Variants in PALS1 observed in about 807,000 individuals in gnomAD.
PALS1 encodes protein associated with LIN7 1, MAGUK p55 family member.
PALS1 carries 31 observed loss-of-function variants against 78.9 expected under a neutral mutation model. The observed-to-expected ratio is 0.39, with a 90% CI of 0.30 to 0.53. The LOEUF (loss-of-function observed/expected upper bound fraction) is 0.53, where lower values mean the gene tolerates loss of function less well. PALS1 is among the 20% of genes least tolerant of loss of function. PALS1 has a pLI of 0.67. For missense variants in PALS1, 704 were observed against 826.5 expected (o/e 0.85, Z 1.82); for synonymous variants, 276 against 270.9 (o/e 1.02, Z -0.18).
intron 8 of PALS1, among the ~76,000 whole-genome samples, chr14:67,308,059 C>T (rs934383728): frequency 6.6e-6 from 1 of 152,124 alleles, no homozygotes; most frequent in East Asian, 1.9e-4. Flanking sequence ...AGGGGAACAA[C>T]ACACACTAGG....
chr14:67,242,829 CG>C (rs1330491129), intron 1 of PALS1, among the ~76,000 whole-genome samples: 2 of 152,076 alleles, frequency 1.3e-5, no homozygotes, highest in Non-Finnish European at 2.9e-5. Context: ...TTTGGCAAGA[CG>C]GACTTGAACT....
intron 1 of PALS1, among the ~76,000 whole-genome samples, chr14:67,257,876 C>G (rs116818775): frequency 1.1e-3 from 162 of 152,108 alleles, no homozygotes; most frequent in African/African-American, 3.7e-3. Context: ...ACTATACGTA[C>G]AACACATATG....
chr14:67,254,873 G>T (rs779071112), intron 1 of PALS1, among the ~76,000 whole-genome samples: 1 of 152,122 alleles, frequency 6.6e-6, no homozygotes, highest in Non-Finnish European at 1.5e-5. Flanking sequence ...ATCTCTGGCC[G>T]GGCGCAGTGG....
intron 1 of PALS1, among the ~76,000 whole-genome samples, chr14:67,243,888 A>G (rs188402505): frequency 1.3e-5 from 2 of 152,170 alleles, no homozygotes; most frequent in African/African-American, 2.4e-5. Context: ...TTCATTTTCC[A>G]TGAAAAAGAA....
intron 1 of PALS1, among the ~76,000 whole-genome samples, chr14:67,268,749 G>A (rs2084368816): frequency 6.6e-6 from 1 of 152,138 alleles, no homozygotes; most frequent in African/African-American, 2.4e-5. Context: ...AACCTGTTTT[G>A]TCAGCAGGGC....
Position 67,256,797 on chromosome 14 carries a change from G to GACACACACACACACACAC in PALS1, c.-236-12894_-236-12877dup, listed in dbSNP as rs10654145. On this transcript the variant is annotated intron_variant, in intron 1 of 14. Transcript: ENST00000261681. ...AGGACGAAGTGTTCCAGAAACTATT[G>GACACACACACACACACAC]ACACACACACACACACACACACACA... Among the ~76,000 whole-genome samples, 1,165 of 147,746 alleles carry GACACACACACACACACAC rather than the reference G, an allele frequency of 7.9e-3. 5 individuals are homozygous for GACACACACACACACACAC. Among genetic ancestry groups the GACACACACACACACACAC allele is most frequent in the South Asian group, 0.018 (83 of 4,644 alleles).
intron 8 of PALS1, among the ~76,000 whole-genome samples, chr14:67,306,634 C>T (rs1387416572): frequency 1.3e-5 from 2 of 152,138 alleles, no homozygotes; most frequent in Non-Finnish European, 2.9e-5. Context: ...CTCCCAAGTG[C>T]TGGGATTACA....
chr14:67,323,899 A>G, intron 14 of PALS1, 87 bp downstream of exon 14: 2 of 701,132 alleles, frequency 2.9e-6, no homozygotes, highest in Non-Finnish European at 4.8e-6. Flanking sequence ...TAAAAGCTAC[A>G]TTAGCTTGAG....
At position 67,261,201 on chromosome 14, in the gene PALS1, TGTG is replaced by T. The variant is rs879347243; in HGVS notation, c.-236-8494_-236-8492del. Among the ~76,000 whole-genome samples the T allele has an allele frequency of 4.6e-5, 7 of 152,246 alleles. No homozygotes were observed. In the East Asian group the frequency reaches 5.8e-4, roughly 13 times the overall value. ...ATAAAAACTTGAAAAGGGACACTGTTGTGGTGGTAGGAGTGCTTCGGAAAGTTA... is the reference window on the plus strand; with the variant it reads ...ATAAAAACTTGAAAAGGGACACTGTTGTGGTAGGAGTGCTTCGGAAAGTTA... On this transcript the variant is annotated intron_variant, in intron 1 of 14. Coordinates refer to ENST00000261681, the MANE Select transcript of PALS1 (RefSeq NM_022474.4).
intron 4 of PALS1, among the ~76,000 whole-genome samples, chr14:67,296,460 G>A (rs574992341): frequency 6.6e-6 from 1 of 151,674 alleles, no homozygotes; most frequent in Non-Finnish European, 1.5e-5. Context: ...AATTAGGCGG[G>A]TGTGGTGGTA....
At chr14:67,329,534 G>C (rs1199301729) in intron 14 of PALS1, among the ~76,000 whole-genome samples, 1 of 152,168 alleles carries the variant, frequency 6.6e-6, no homozygotes, top group African/African-American at 2.4e-5. Flanking sequence ...AGTGGTGAGA[G>C]AGGGCATCCC....
At chr14:67,257,724 T>C (rs573340599) in intron 1 of PALS1, among the ~76,000 whole-genome samples, 1 of 152,196 alleles carries the variant, frequency 6.6e-6, no homozygotes, top group African/African-American at 2.4e-5. Flanking sequence ...TGAAGGTAAG[T>C]TTAAGAAGAA....
At chr14:67,284,274 CTG>C (rs1246948040) in intron 3 of PALS1, among the ~76,000 whole-genome samples, 1 of 151,554 alleles carries the variant, frequency 6.6e-6, no homozygotes, top group African/African-American at 2.4e-5. Context: ...GTCTTTTAAA[CTG>C]TAGAATTCAT....
chr14:67,271,972 G>A (rs1216835200), intron 2 of PALS1: 2 of 151,962 alleles, frequency 1.3e-5, no homozygotes, highest in Admixed American at 1.3e-4. Context: ...TCAGGAGGCT[G>A]AGGCAAGAGA....
chr14:67,329,449 C>T (rs2141046310), intron 14 of PALS1, among the ~76,000 whole-genome samples: 1 of 152,308 alleles, frequency 6.6e-6, no homozygotes, highest in Admixed American at 6.5e-5. Context: ...TTCCTCTTTT[C>T]CTAATTGAAT....
At chr14:67,317,674 A>T (rs539362478) in intron 11 of PALS1, among the ~76,000 whole-genome samples, 195 bp downstream of exon 11, 46 of 152,332 alleles carry the variant, frequency 3.0e-4, no homozygotes, top group African/African-American at 9.6e-4. Flanking sequence ...ACTATTTAGC[A>T]TATGTAGTAT....
chr14:67,263,401 A>G (rs936038497), intron 1 of PALS1, among the ~76,000 whole-genome samples: 3 of 152,168 alleles, frequency 2.0e-5, no homozygotes, highest in Non-Finnish European at 4.4e-5. Context: ...AAAAAACAAG[A>G]AGAGACTATT....
At position 67,301,417 on chromosome 14, in the gene PALS1, A is replaced by C; in HGVS notation, c.605A>C (p.His202Pro). The C allele has an allele frequency of 6.2e-7, 1 of 1,610,666 alleles. No homozygotes were observed. The highest frequency in any genetic ancestry group is 8.5e-7 in the Non-Finnish European group (1 of 1,178,002). Residue 202 changes from histidine to proline, a missense_variant, in exon 5 of 15, where the codon CAT becomes CCT. Transcript: ENST00000261681. Reference protein sequence around the residue: ...EVQTVLKPVHHKEGQELTALL... With the variant: ...EVQTVLKPVHPKEGQELTALL... ...CAAACTGTTTTGAAGCCAGTTCATCATAAGGAAGGACAAGAACTAACTGCT... is the reference window on the plus strand; with the variant it reads ...CAAACTGTTTTGAAGCCAGTTCATCCTAAGGAAGGACAAGAACTAACTGCT...
At chr14:67,302,772 A>T (rs944407843) in intron 7 of PALS1, among the ~76,000 whole-genome samples, 8 of 152,176 alleles carry the variant, frequency 5.3e-5, no homozygotes, top group Non-Finnish European at 1.2e-4. Context: ...TTTCTGATGT[A>T]TCACTATCAC....
Sources: allele counts gnomAD v4.1 joint callset (sites outside exome capture counted in the v4.1 genomes callset), GRCh38; gene constraint gnomAD v4.1.1; transcripts MANE v1.5; gene names NCBI Gene and HGNC (gene_info 2026-07-23, HGNC 2026-07-21).